The following ULK4 variants were observed in gnomAD, a reference collection of about 807,000 sequenced individuals.
ULK4 encodes inactive serine/threonine-protein kinase ULK4.
A neutral mutation model predicts 160.6 loss-of-function variants in ULK4; 133 were observed. The ratio of observed to expected loss-of-function variants is 0.83; its 90% CI spans 0.72 to 0.96. The LOEUF (loss-of-function observed/expected upper bound fraction) is 0.96. ULK4 is among the 40% of genes least tolerant of loss of function. The pLI is 0.00. For missense variants in ULK4, 1,580 were observed against 1,499.5 expected (o/e 1.05, Z -0.89); for synonymous variants, 534 against 539.8 (o/e 0.99, Z 0.15).
chr3:41,801,303 C>T (rs1162119906), intron 19 of ULK4, among the ~76,000 whole-genome samples: 1 of 151,856 alleles, frequency 6.6e-6, no homozygotes, highest in African/African-American at 2.4e-5. Context: ...CCAAAATAAA[C>T]ACAGAAAGAA....
chr3:41,438,096 C>T (rs1167776826), intron 34 of ULK4, among the ~76,000 whole-genome samples: 1 of 121,494 alleles, frequency 8.2e-6, no homozygotes, highest in Non-Finnish European at 1.7e-5. Context: ...TTTTAAAATA[C>T]ATGTTTATTG....
At chr3:41,300,156 G>C (rs1415334004) in intron 35 of ULK4, among the ~76,000 whole-genome samples, 1 of 152,184 alleles carries the variant, frequency 6.6e-6, no homozygotes, top group Non-Finnish European at 1.5e-5. Context: ...AAAAATGAGA[G>C]CATTGGTTAC....
At chr3:41,648,188 A>C (rs939431533) in intron 30 of ULK4, among the ~76,000 whole-genome samples, 2 of 152,084 alleles carry the variant, frequency 1.3e-5, no homozygotes, top group African/African-American at 4.8e-5. Flanking sequence ...GCTCCCACAA[A>C]GTGCGCTGCT....
intron 18 of ULK4, among the ~76,000 whole-genome samples, chr3:41,827,369 G>A (rs958925375): frequency 2.6e-5 from 4 of 151,930 alleles, no homozygotes; most frequent in Admixed American, 2.6e-4. Flanking sequence ...AGTGAATCCA[G>A]GAGCTGGTTT....
intron 34 of ULK4, 83 bp downstream of exon 34, chr3:41,455,414 T>TAGAA: frequency 7.7e-7 from 1 of 1,290,456 alleles, no homozygotes; most frequent in South Asian, 1.3e-5. Context: ...AAAAATAACA[T>TAGAA]AGAAACTCAA....
intron 22 of ULK4, among the ~76,000 whole-genome samples, chr3:41,741,808 A>G (rs775917495): frequency 7.2e-5 from 11 of 151,906 alleles, no homozygotes; most frequent in Non-Finnish European, 1.6e-4. Flanking sequence ...GATCAAAACA[A>G]ACACAGGAAG....
intron 30 of ULK4, among the ~76,000 whole-genome samples, chr3:41,627,581 T>C (rs1174605197): frequency 6.6e-6 from 1 of 152,238 alleles, no homozygotes; most frequent in African/African-American, 2.4e-5. Flanking sequence ...CTTACTTAGA[T>C]ACAGACTTGA....
intron 30 of ULK4, among the ~76,000 whole-genome samples, chr3:41,659,509 C>T (rs1443587531): frequency 3.3e-5 from 5 of 152,134 alleles, no homozygotes; most frequent in Admixed American, 6.5e-5. Flanking sequence ...AAGAGAAATA[C>T]ATGTTAAAAT....
intron 19 of ULK4, among the ~76,000 whole-genome samples, chr3:41,804,024 T>C (rs1241414511): frequency 6.6e-6 from 1 of 152,144 alleles, no homozygotes; most frequent in Non-Finnish European, 1.5e-5. Flanking sequence ...CTGGGTCAAA[T>C]GGTATTTCTA....
At chr3:41,943,071 G>A (rs1447140725) in intron 2 of ULK4, among the ~76,000 whole-genome samples, 3 of 151,702 alleles carry the variant, frequency 2.0e-5, no homozygotes, top group African/African-American at 7.3e-5. Flanking sequence ...AAATTAGCCG[G>A]GCATGGTGGT....
At chr3:41,772,059 C>A in intron 21 of ULK4, among the ~76,000 whole-genome samples, 1 of 152,132 alleles carries the variant, frequency 6.6e-6, no homozygotes, top group Non-Finnish European at 1.5e-5. Flanking sequence ...ATCTCTGGGA[C>A]ACATTTAAAG....
intron 29 of ULK4, among the ~76,000 whole-genome samples, chr3:41,678,177 T>TACAC (rs752843326): frequency 0.072 from 8,853 of 123,048 alleles, 307 homozygotes; most frequent in Non-Finnish European, 0.092. Context: ...CTTTATTTCA[T>TACAC]ACACACACAC....
intron 2 of ULK4, among the ~76,000 whole-genome samples, chr3:41,945,905 CA>C (rs1700098852): frequency 1.3e-5 from 2 of 152,094 alleles, no homozygotes; most frequent in Non-Finnish European, 2.9e-5. Flanking sequence ...AATCCATGAC[CA>C]AAAACGATCA....
At chr3:41,351,348 A>G (rs1048271974) in intron 35 of ULK4, among the ~76,000 whole-genome samples, 1 of 152,210 alleles carries the variant, frequency 6.6e-6, no homozygotes, top group Non-Finnish European at 1.5e-5. Context: ...TTATTCACAA[A>G]AAGTTAAACC....
In ULK4 at chr3:41,663,661, G is replaced by A. The variant is rs1385138854; in HGVS notation, c.3017C>T (p.Ala1006Val). The A allele has an allele frequency of 1.9e-6, 3 of 1,613,998 alleles. No individual in the cohort carries two copies. Among genetic ancestry groups the A allele is most frequent in the Middle Eastern group, 1.7e-4 (1 of 6,060 alleles). ...HILLEPDPVP[A>V]YALKLLVAMT... is the part of the protein sequence containing the mutation. ...CGCGACTAGCAGTTTCAGAGCATAT[G>A]CTGGTACTGGGTCAGGTTCTAAAAG... Residue 1006 changes from alanine (A) to valine (V), a missense_variant, in exon 30 of 37, where the codon GCA (alanine) becomes GTA (valine). Transcript: ENST00000301831.
chr3:41,711,354 G>T (rs545419189), intron 25 of ULK4, among the ~76,000 whole-genome samples: 1 of 152,170 alleles, frequency 6.6e-6, no homozygotes, highest in East Asian at 1.9e-4. Flanking sequence ...TGGCTAGGGG[G>T]TGTGAAGCAG....
At chr3:41,608,081 T>A (rs1323919391) in intron 31 of ULK4, among the ~76,000 whole-genome samples, 1 of 152,254 alleles carries the variant, frequency 6.6e-6, no homozygotes, top group Non-Finnish European at 1.5e-5. Context: ...AAAATTTCTA[T>A]GTAATAACTT....
At chr3:41,662,815 A>G (rs1314398813) in intron 30 of ULK4, among the ~76,000 whole-genome samples, 1 of 152,122 alleles carries the variant, frequency 6.6e-6, no homozygotes, top group African/African-American at 2.4e-5. Context: ...ACTAATCTTT[A>G]CAAAACTAAA....
intron 34 of ULK4, among the ~76,000 whole-genome samples, chr3:41,432,041 T>C (rs148198764): frequency 6.4e-4 from 97 of 152,212 alleles, no homozygotes; most frequent in African/African-American, 2.3e-3. Context: ...TCCACCCACC[T>C]CGGCCTCCCA....
Sources: allele counts gnomAD v4.1 joint callset (sites outside exome capture counted in the v4.1 genomes callset), GRCh38; gene constraint gnomAD v4.1.1; transcripts MANE v1.5; gene names NCBI Gene and HGNC (gene_info 2026-07-23, HGNC 2026-07-21).